The following TRPM3 variants were observed in gnomAD, a reference collection of about 807,000 sequenced individuals.
TRPM3 encodes transient receptor potential cation channel subfamily M member 3.
TRPM3 carries 77 observed loss-of-function variants against 181.2 expected under a neutral mutation model. That is an observed-to-expected ratio of 0.42 (90% CI 0.35 to 0.51). The LOEUF (loss-of-function observed/expected upper bound fraction) is 0.51. Among genes scored for constraint, TRPM3 ranks in the 20% least tolerant of loss-of-function variants. The pLI is 0.01. For missense variants in TRPM3, 1,759 were observed against 2,196.7 expected, an observed-to-expected ratio of 0.80 and a Z score of 3.98; for synonymous variants, 745 against 796.4, an observed-to-expected ratio of 0.94 and a Z score of 1.09.
At chr9:71,007,039 C>CAAAAAAAA (rs59442017) in intron 1 of TRPM3, among the ~76,000 whole-genome samples, 13 of 27,980 alleles carry the variant, frequency 4.6e-4, no homozygotes, top group Non-Finnish European at 5.3e-4. Context: ...AACTCCATCT[C>CAAAAAAAA]AAAAAAAAAA....
At chr9:70,904,952 A>G (rs2096441220) in intron 1 of TRPM3, among the ~76,000 whole-genome samples, 1 of 152,200 alleles carries the variant, frequency 6.6e-6, no homozygotes. Flanking sequence ...GTCTCATAAC[A>G]TCTGCTTTGT....
chr9:71,234,662 C>A, intron 1 of TRPM3, among the ~76,000 whole-genome samples: 1 of 152,176 alleles, frequency 6.6e-6, no homozygotes, highest in African/African-American at 2.4e-5. Flanking sequence ...ACCAGTTACA[C>A]CCACCTTAAT....
At chr9:70,572,146 CAT>C (rs1369129149) in intron 22 of TRPM3, among the ~76,000 whole-genome samples, 5 of 143,320 alleles carry the variant, frequency 3.5e-5, no homozygotes, top group Non-Finnish European at 3.1e-5. Flanking sequence ...GTGTTTCCCA[CAT>C]GATGGTGATT....
chr9:70,637,534 A>G (rs1202838007), intron 11 of TRPM3, among the ~76,000 whole-genome samples: 1 of 145,926 alleles, frequency 6.9e-6, no homozygotes, highest in Non-Finnish European at 1.5e-5. Flanking sequence ...GTCTTTATTT[A>G]TTTATTTTTT....
At chr9:70,809,369 A>T (rs2091408799) in intron 6 of TRPM3, among the ~76,000 whole-genome samples, 1 of 152,196 alleles carries the variant, frequency 6.6e-6, no homozygotes, top group South Asian at 2.1e-4. Context: ...TCTAGCACTC[A>T]CTCAGTGACT....
chr9:71,167,444 CACAACCAATCAAACA>C (rs1565296535), intron 1 of TRPM3, among the ~76,000 whole-genome samples: 1 of 152,198 alleles, frequency 6.6e-6, no homozygotes, highest in African/African-American at 2.4e-5. Flanking sequence ...GCCTCATTCA[CACAACCAATCAAACA>C]ACAACATATC....
At chr9:70,539,927 T>C (rs2042838502) in intron 25 of TRPM3, among the ~76,000 whole-genome samples, 1 of 152,142 alleles carries the variant, frequency 6.6e-6, no homozygotes, top group South Asian at 2.1e-4. Flanking sequence ...CTTAACCTCC[T>C]GGGCACAAGT....
chr9:70,898,119 G>GT (rs780424002), intron 1 of TRPM3, among the ~76,000 whole-genome samples: 5,699 of 141,866 alleles, frequency 0.04, 130 homozygotes, highest in Middle Eastern at 0.058. Flanking sequence ...ACAATAAATT[G>GT]TTTTTTTTTT....
At chr9:70,660,773 C>A (rs925064292) in intron 9 of TRPM3, among the ~76,000 whole-genome samples, 28 of 152,032 alleles carry the variant, frequency 1.8e-4, no homozygotes, top group African/African-American at 6.5e-4. Flanking sequence ...AAATAACAAG[C>A]AGCAAGATTG....
intron 1 of TRPM3, among the ~76,000 whole-genome samples, chr9:71,373,771 A>C (rs72735836): frequency 6.6e-6 from 1 of 152,196 alleles, no homozygotes; most frequent in African/African-American, 2.4e-5. Context: ...TCCCTTACTC[A>C]ATCTATAAAG....
intron 22 of TRPM3, among the ~76,000 whole-genome samples, chr9:70,582,139 A>C (rs2055949063): frequency 6.6e-6 from 1 of 151,348 alleles, no homozygotes; most frequent in Admixed American, 6.6e-5. Flanking sequence ...ATCCCCTTTG[A>C]GTCCACTTTC....
At chr9:70,962,872 T>C (rs1280056282) in intron 1 of TRPM3, among the ~76,000 whole-genome samples, 2 of 152,158 alleles carry the variant, frequency 1.3e-5, no homozygotes, top group African/African-American at 2.4e-5. Context: ...CTGTCATGTA[T>C]GTAGAGTGCT....
intron 1 of TRPM3, among the ~76,000 whole-genome samples, chr9:71,277,778 C>T (rs2084339264): frequency 6.6e-6 from 1 of 152,140 alleles, no homozygotes; most frequent in African/African-American, 2.4e-5. Context: ...GGAGAAAACA[C>T]TAACAGGAAA....
intron 1 of TRPM3, among the ~76,000 whole-genome samples, chr9:71,223,509 C>T (rs2080372707): frequency 6.6e-6 from 1 of 152,190 alleles, no homozygotes; most frequent in Non-Finnish European, 1.5e-5. Context: ...GAGACTTCTG[C>T]TACAGAAAAG....
At chr9:71,363,266 T>G (rs1336667335) in intron 1 of TRPM3, among the ~76,000 whole-genome samples, 1 of 152,254 alleles carries the variant, frequency 6.6e-6, no homozygotes, top group Non-Finnish European at 1.5e-5. Context: ...CATTTTCTTG[T>G]GTAACTACAG....
At chr9:70,825,721 T>G (rs151337558) in intron 6 of TRPM3, 1 of 152,436 alleles carries the variant, frequency 6.6e-6, no homozygotes, top group Admixed American at 6.5e-5. Context: ...CTCCCTGGAC[T>G]TCCCCTGCAG....
At chr9:70,902,255 T>A (rs2096397212) in intron 1 of TRPM3, among the ~76,000 whole-genome samples, 1 of 152,228 alleles carries the variant, frequency 6.6e-6, no homozygotes. Flanking sequence ...TCTTGCAAAG[T>A]CAGTCATGGC....
At chr9:70,924,400 G>A (rs1433682053) in intron 1 of TRPM3, among the ~76,000 whole-genome samples, 1 of 152,024 alleles carries the variant, frequency 6.6e-6, no homozygotes, top group African/African-American at 2.4e-5. Flanking sequence ...TGAATTTAAT[G>A]CTGTACAACA....
At chr9:71,077,957 AC>A (rs1247442818) in intron 1 of TRPM3, among the ~76,000 whole-genome samples, 1 of 150,626 alleles carries the variant, frequency 6.6e-6, no homozygotes, top group Non-Finnish European at 1.5e-5. Context: ...ATGGTAGCCA[AC>A]CACACAAGCT....
Sources: allele counts gnomAD v4.1 joint callset (sites outside exome capture counted in the v4.1 genomes callset), GRCh38; gene constraint gnomAD v4.1.1; transcripts MANE v1.5; gene names NCBI Gene and HGNC (gene_info 2026-07-23, HGNC 2026-07-21).